The following C6orf132 variants were observed in gnomAD, a reference collection of about 807,000 sequenced individuals.
C6orf132 encodes chromosome 6 open reading frame 132, also known as uncharacterized protein C6orf132.
In C6orf132, 43 loss-of-function variants were observed where a neutral mutation model predicts 65.3. The ratio of observed to expected loss-of-function variants is 0.66; its 90% CI spans 0.52 to 0.85. The LOEUF (loss-of-function observed/expected upper bound fraction) is 0.85. Ranked by LOEUF, C6orf132 falls within the 40% of genes least tolerant of loss-of-function variation. The probability of loss-of-function intolerance (pLI) is 0.00; values close to 1 mark genes in which losing one functional copy is unlikely to be tolerated. For missense variants in C6orf132, 1,488 were observed against 1,548.8 expected (o/e 0.96, Z 0.66); for synonymous variants, 631 against 654.1 (o/e 0.96, Z 0.54).
Position 42,103,289 on chromosome 6 carries a change from G to A in C6orf132, c.*472C>T. 1 of 369,262 alleles carries A rather than the reference G, an allele frequency of 2.7e-6. No homozygotes were observed. The highest frequency in any genetic ancestry group is 4.6e-6 in the Non-Finnish European group (1 of 219,192). 22.9% of individuals were successfully genotyped at this position (369,262 alleles called of 1,614,324 possible). ...GCTAAAGATCTCCCTTCGGTGCCCT[G>A]CACACCCACCAGACAGAGCTGGGCC... On this transcript the variant is annotated 3_prime_UTR_variant, in exon 5 of 5. Coordinates refer to ENST00000341865, the MANE Select transcript of C6orf132 (RefSeq NM_001164446.3).
intron 1 of C6orf132, among the ~76,000 whole-genome samples, chr6:42,131,895 C>T (rs530509688): frequency 5.9e-5 from 9 of 152,360 alleles, no homozygotes; most frequent in African/African-American, 1.9e-4. Flanking sequence ...GGTGGCTCCT[C>T]TCGCTACCAG....
intron 2 of C6orf132, among the ~76,000 whole-genome samples, chr6:42,128,082 A>AC (rs1766793181): frequency 6.9e-6 from 1 of 145,284 alleles, no homozygotes. Flanking sequence ...TTGCCACTAC[A>AC]CCGGCTATTT....
In C6orf132 at chr6:42,106,425, A is replaced by G. The variant is rs1219440826; in HGVS notation, c.1487T>C (p.Val496Ala). The G allele has an allele frequency of 2.0e-6, 3 of 1,535,592 alleles. No individual in the cohort carries two copies. Among genetic ancestry groups the G allele is most frequent in the African/African-American group, 2.7e-5 (2 of 72,830 alleles). ...RFLSHRPGPT[V>A]APQSKEGKKG... ...CTTGCCCTCCTTGCTCTGAGGGGCC[A>G]CTGTTGGGCCTGGCCTGTGACTGAG... The change falls in exon 4 of 5, where the codon GTG (valine) becomes GCG (alanine). Residue 496 changes from valine to alanine, a missense_variant. Coordinates refer to ENST00000341865, the MANE Select transcript of C6orf132 (RefSeq NM_001164446.3).
chr6:42,142,494 C>A lies in C6orf132; in HGVS notation c.-50G>T. Reference sequence around the variant, plus strand: ...AGGGAAGGACCTTCCCTCCCTCGCCCTGCCCTGCCCCGGACTGAACTCAGC... The same window carrying A: ...AGGGAAGGACCTTCCCTCCCTCGCCATGCCCTGCCCCGGACTGAACTCAGC... On this transcript the variant is annotated 5_prime_UTR_variant, in exon 1 of 5. The change creates a new upstream start codon in the 5' untranslated region. Coordinates refer to ENST00000341865, the MANE Select transcript of C6orf132 (RefSeq NM_001164446.3). 1 of 1,530,906 alleles carries A rather than the reference C, an allele frequency of 6.5e-7. No homozygotes were observed. Among genetic ancestry groups the A allele is most frequent in the Non-Finnish European group, 8.8e-7 (1 of 1,136,800 alleles). The allele number at this position is 1,530,906 out of a possible 1,614,324, so 94.8% of individuals were successfully genotyped here. A position where few individuals can be genotyped will look rare whatever the true frequency, so the allele number is the denominator to read the frequency against.
At chr6:42,112,412 C>A (rs565750888) in intron 2 of C6orf132, among the ~76,000 whole-genome samples, 1 of 152,216 alleles carries the variant, frequency 6.6e-6, no homozygotes, top group African/African-American at 2.4e-5. Flanking sequence ...GGCTTTCCAG[C>A]CTGTCTGGAT....
intron 1 of C6orf132, among the ~76,000 whole-genome samples, chr6:42,141,012 G>A (rs1002689900): frequency 2.6e-5 from 4 of 152,174 alleles, no homozygotes; most frequent in Non-Finnish European, 5.9e-5. Flanking sequence ...CTGTCAGCTC[G>A]AATGCTAGTT....
intron 2 of C6orf132, among the ~76,000 whole-genome samples, chr6:42,117,395 G>A (rs1766599399): frequency 6.6e-6 from 1 of 152,086 alleles, no homozygotes; most frequent in African/African-American, 2.4e-5. Context: ...CCAATATTGG[G>A]ACCTGACAGC....
At position 42,104,749 on chromosome 6, in the gene C6orf132, A is replaced by G; in HGVS notation, c.3163T>C (p.Ser1055Pro). The change falls in exon 4 of 5, where the codon TCG becomes CCG. Residue 1055 changes from serine (S) to proline (P), a missense_variant. Transcript: ENST00000341865. The surrounding 1 kb of genome is among the most constrained non-coding windows in gnomAD (Gnocchi z 4.1). ...YAGAGGLERF[S>P]GGGRSLIKKR... ...TTTATGAGCGAGCGGCCCCCTCCCG[A>G]GAAGCGCTCCAGGCCCCCAGCCCCG... The G allele has an allele frequency of 2.0e-6, 3 of 1,524,968 alleles. No individual in the cohort carries two copies. Among genetic ancestry groups the G allele is most frequent in the Non-Finnish European group, 2.6e-6 (3 of 1,141,888 alleles). The allele number at this position is 1,524,968 out of a possible 1,614,324, so 94.5% of individuals were successfully genotyped here. A position where few individuals can be genotyped will look rare whatever the true frequency, so the allele number is the denominator to read the frequency against.
At chr6:42,109,053 AAT>A (rs1229337529) in intron 3 of C6orf132, among the ~76,000 whole-genome samples, 1 of 152,236 alleles carries the variant, frequency 6.6e-6, no homozygotes, top group Non-Finnish European at 1.5e-5. Context: ...CAATGAACAT[AAT>A]GTGTGAGTAC....
chr6:42,112,283 AG>A (rs1186802829), intron 2 of C6orf132, among the ~76,000 whole-genome samples: 2 of 152,186 alleles, frequency 1.3e-5, no homozygotes, highest in African/African-American at 4.8e-5. Context: ...TACCAAACCC[AG>A]GTCTGTGGAG....
At chr6:42,122,675 G>C (rs2127477105) in intron 2 of C6orf132, among the ~76,000 whole-genome samples, 1 of 152,332 alleles carries the variant, frequency 6.6e-6, no homozygotes, top group East Asian at 1.9e-4. Flanking sequence ...ACAGAGCTCA[G>C]ATTCCAGCCC....
Position 42,103,616 on chromosome 6 carries a change from C to T in C6orf132, c.*145G>A. 2.4e-6 allele frequency: 1 copy of T among 411,420 alleles called. No individual in the cohort carries two copies. The highest frequency in any genetic ancestry group is 3.8e-5 in the East Asian group (1 of 26,394). The allele number at this position is 411,420 out of a possible 1,614,324, so 25.5% of individuals were successfully genotyped here. ...GTCTTCCTGGGCCACTGCTTCTCATCGTTGGTCTTTGGGGATCAAAGACTC... is the reference window on the plus strand; with the variant it reads ...GTCTTCCTGGGCCACTGCTTCTCATTGTTGGTCTTTGGGGATCAAAGACTC... On this transcript the variant is annotated 3_prime_UTR_variant, in exon 5 of 5. Transcript: ENST00000341865.
At chr6:42,134,666 C>T (rs61334440) in intron 1 of C6orf132, among the ~76,000 whole-genome samples, 8,900 of 150,890 alleles carry the variant, frequency 0.059, 881 homozygotes, top group African/African-American at 0.2. Flanking sequence ...CCCAGCTACT[C>T]GAGAGGCTGA....
chr6:42,118,585 A>G (rs1311583492), intron 2 of C6orf132, among the ~76,000 whole-genome samples: 1 of 152,246 alleles, frequency 6.6e-6, no homozygotes, highest in Non-Finnish European at 1.5e-5. Flanking sequence ...TGAAGCAAAG[A>G]ACATGCAAAA....
intron 2 of C6orf132, among the ~76,000 whole-genome samples, chr6:42,117,839 A>T (rs891018534): frequency 9.7e-6 from 1 of 103,292 alleles, no homozygotes; most frequent in African/African-American, 3.8e-5. Context: ...CAGGAGAATC[A>T]CTTGAACCCA....
chr6:42,110,292 C>T lies in C6orf132; in HGVS notation c.253-1G>A. 6.5e-7 allele frequency: 1 copy of T among 1,545,896 alleles called. No individual in the cohort carries two copies. The highest frequency in any genetic ancestry group is 1.2e-5 in the South Asian group (1 of 82,924). On this transcript the variant is annotated splice_acceptor_variant, in intron 2 of 4. Coordinates refer to ENST00000341865, the MANE Select transcript of C6orf132 (RefSeq NM_001164446.3). LOFTEE classifies it high-confidence loss of function. ...CCAGCCCATGGTTTTCCTGGGCATT[C>T]TGAAAGAGACCAGAAAGAAATCAGG...
chr6:42,106,418 A>G lies in C6orf132; in HGVS notation c.1494T>C (p.Pro498=). The part of the protein sequence containing the change: ...LSHRPGPTVA[P]QSKEGKKGPR... ...GGCCCTTCTTGCCCTCCTTGCTCTG[A>G]GGGGCCACTGTTGGGCCTGGCCTGT... Residue 498 remains proline (P), a synonymous_variant, in exon 4 of 5, where the codon CCT becomes CCC. Coordinates refer to ENST00000341865, the MANE Select transcript of C6orf132 (RefSeq NM_001164446.3). The G allele has an allele frequency of 6.5e-7, 1 of 1,535,584 alleles. No individual in the cohort carries two copies. Among genetic ancestry groups the G allele is most frequent in the Non-Finnish European group, 8.7e-7 (1 of 1,146,762 alleles).
chr6:42,142,267 C>T (rs1389954378), intron 1 of C6orf132, 33 bp downstream of exon 1: 1 of 1,540,968 alleles, frequency 6.5e-7, no homozygotes, highest in East Asian at 2.5e-5. Flanking sequence ...CCTCCGTCCC[C>T]GCCCCAGCGC....
intron 1 of C6orf132, among the ~76,000 whole-genome samples, chr6:42,141,692 C>T (rs1767035212): frequency 6.6e-6 from 1 of 152,152 alleles, no homozygotes; most frequent in Non-Finnish European, 1.5e-5. Context: ...GAGCCTGTGG[C>T]CCCAATAAGT....
Sources: gnomAD v4.1 joint callset for allele counts (sites outside exome capture counted in the v4.1 genomes callset) on GRCh38, gnomAD v4.1.1 for gene constraint, Gnocchi (gnomAD v3.1) non-coding constraint, MANE v1.5 for transcripts, NCBI Gene and HGNC (gene_info 2026-07-23, HGNC 2026-07-21) for gene names.